Variants in SLCO3A1 observed in about 807,000 individuals in gnomAD.
The protein encoded by SLCO3A1 is solute carrier organic anion transporter family member 3A1.
Under a neutral mutation model 63.1 loss-of-function variants are expected in SLCO3A1, and 27 were observed. The ratio of observed to expected loss-of-function variants is 0.43; its 90% confidence interval spans 0.32 to 0.59. The LOEUF (loss-of-function observed/expected upper bound fraction) is 0.59, where lower values mean the gene tolerates loss of function less well. Ranked by LOEUF, SLCO3A1 falls within the 20% of genes least tolerant of loss-of-function variation. The pLI is 0.09. For missense variants in SLCO3A1, 773 were observed against 945.8 expected, an observed-to-expected ratio of 0.82 and a Z score of 2.40; for synonymous variants, 473 against 409.9, an observed-to-expected ratio of 1.15 and a Z score of -1.86.
intron 2 of SLCO3A1, among the ~76,000 whole-genome samples, chr15:91,944,249 G>A (rs1347122817): frequency 6.6e-6 from 1 of 151,940 alleles, no homozygotes; most frequent in Non-Finnish European, 1.5e-5. Context: ...CCTGTGCAAG[G>A]TCCCTCCTAA....
At chr15:91,949,463 C>T (rs1406613668) in intron 2 of SLCO3A1, among the ~76,000 whole-genome samples, 1 of 151,700 alleles carries the variant, frequency 6.6e-6, no homozygotes, top group Admixed American at 6.6e-5. Context: ...AACCCCATCC[C>T]TACTAAAAAT....
intron 4 of SLCO3A1, among the ~76,000 whole-genome samples, chr15:92,116,377 C>T (rs375659496): frequency 1.1e-4 from 16 of 152,316 alleles, no homozygotes; most frequent in African/African-American, 3.4e-4. Flanking sequence ...GCTCTCCTGC[C>T]GCTCTTTCCA....
intron 2 of SLCO3A1, among the ~76,000 whole-genome samples, chr15:92,020,226 C>T (rs372970282): frequency 1.1e-4 from 15 of 139,332 alleles, no homozygotes; most frequent in South Asian, 6.5e-4. Context: ...ACTATATATA[C>T]ACACACACAC....
chr15:91,914,449 TTCCC>T (rs1425094753), intron 1 of SLCO3A1, among the ~76,000 whole-genome samples: 1 of 152,162 alleles, frequency 6.6e-6, no homozygotes, highest in Non-Finnish European at 1.5e-5. Context: ...CCAGGTTTTC[TTCCC>T]TCCATGATCT....
chr15:92,126,026 C>G (rs777384223), intron 5 of SLCO3A1, 35 bp from the exon 6 acceptor site: 11 of 1,595,090 alleles, frequency 6.9e-6, no homozygotes, highest in Admixed American at 1.7e-5. Context: ...CCCACCTTCC[C>G]TGTTCACAGC....
Position 91,872,880 on chromosome 15 carries a change from G to A in SLCO3A1, c.180+18792G>A, listed in dbSNP as rs186035862. Among the ~76,000 whole-genome samples, 401 of 152,262 alleles carry A rather than the reference G, an allele frequency of 2.6e-3. No homozygotes were observed. The highest frequency in any genetic ancestry group is 5.0e-3 in the Non-Finnish European group (338 of 68,018). ...TTCCTCCCCTTTAGGGCATGGTGGCGTCTGTAAGTGACAAGAGTGCTCTGA... is the reference window on the plus strand; with the variant it reads ...TTCCTCCCCTTTAGGGCATGGTGGCATCTGTAAGTGACAAGAGTGCTCTGA... On this transcript the variant is annotated intron_variant, in intron 1 of 9. Coordinates refer to ENST00000318445, the MANE Select transcript of SLCO3A1 (RefSeq NM_013272.4). This position sits in a 1 kb window ranked among gnomAD's most constrained non-coding sequence, Gnocchi z 4.1.
downstream of SLCO3A1, among the ~76,000 whole-genome samples, chr15:92,167,372 A>G (rs2151608326): frequency 6.6e-6 from 1 of 152,364 alleles, no homozygotes; most frequent in South Asian, 2.1e-4. Context: ...TCCACTTCAA[A>G]TATCTAAGAG....
At chr15:91,963,408 T>C (rs55648428) in intron 2 of SLCO3A1, among the ~76,000 whole-genome samples, 7,844 of 22,890 alleles carry the variant, frequency 0.34, 413 homozygotes, top group Non-Finnish European at 0.39. Context: ...TCGGGGAGGG[T>C]GGGGGGGGGG....
intron 2 of SLCO3A1, among the ~76,000 whole-genome samples, chr15:91,959,574 A>T (rs1265328772): frequency 6.6e-6 from 1 of 151,896 alleles, no homozygotes; most frequent in African/African-American, 2.4e-5. Flanking sequence ...TCCTAAAAAT[A>T]CAAAAAAATT....
At chr15:91,952,913 A>G (rs117963990) in intron 2 of SLCO3A1, among the ~76,000 whole-genome samples, 1 of 152,258 alleles carries the variant, frequency 6.6e-6, no homozygotes, top group East Asian at 1.9e-4. Flanking sequence ...TAGTGAGGGG[A>G]CTTCAGCTGT....
At chr15:92,051,382 G>A (rs954983194) in intron 2 of SLCO3A1, among the ~76,000 whole-genome samples, 4 of 152,158 alleles carry the variant, frequency 2.6e-5, no homozygotes, top group Non-Finnish European at 5.9e-5. Flanking sequence ...TAGGAAGGCA[G>A]AGCAAGAGTG....
At chr15:91,871,082 T>C (rs1487049425) in intron 1 of SLCO3A1, among the ~76,000 whole-genome samples, 1 of 152,238 alleles carries the variant, frequency 6.6e-6, no homozygotes, top group Non-Finnish European at 1.5e-5. Context: ...CCATGCCTTG[T>C]GGTTTTTCAT....
intron 2 of SLCO3A1, among the ~76,000 whole-genome samples, chr15:91,943,114 C>T (rs146246969): frequency 1.6e-4 from 24 of 152,348 alleles, no homozygotes; most frequent in East Asian, 1.5e-3. Context: ...TAGCATAAAA[C>T]GTAGCATCTT....
intron 2 of SLCO3A1, among the ~76,000 whole-genome samples, chr15:91,930,265 C>T (rs2151389697): frequency 6.6e-6 from 1 of 152,292 alleles, no homozygotes; most frequent in East Asian, 1.9e-4. Flanking sequence ...CTCAGCACCT[C>T]TCAACTGGAC....
At chr15:91,996,133 C>T (rs893657694) in intron 2 of SLCO3A1, among the ~76,000 whole-genome samples, 6 of 152,064 alleles carry the variant, frequency 3.9e-5, no homozygotes, top group Non-Finnish European at 5.9e-5. Context: ...TTAAAACTAT[C>T]AGTATTCAGA....
rs1301829224 is a variant in SLCO3A1 at position 91,941,299 on chromosome 15, G to A, written c.646+24841G>A. The A allele has an allele frequency of 1.1e-5, 3 of 268,156 alleles. No individual in the cohort carries two copies. Among genetic ancestry groups the A allele is most frequent in the Non-Finnish European group, 2.2e-5 (3 of 133,614 alleles). 16.6% of individuals were successfully genotyped at this position (268,156 alleles called of 1,614,324 possible). A position where few individuals can be genotyped will look rare whatever the true frequency, so the allele number is the denominator to read the frequency against. On this transcript the variant is annotated intron_variant, in intron 2 of 9. Transcript: ENST00000318445. This position sits in a 1 kb window ranked among gnomAD's most constrained non-coding sequence, Gnocchi z 4.4. Reference sequence around the variant, plus strand: ...TTGGGGCAGGGCGGGGCTCGGCTGGGGGGTGGGAGAGAGACACTGAATCAG... The same window carrying A: ...TTGGGGCAGGGCGGGGCTCGGCTGGAGGGTGGGAGAGAGACACTGAATCAG...
chr15:92,030,342 C>T (rs1395086970), intron 2 of SLCO3A1, among the ~76,000 whole-genome samples: 1 of 152,198 alleles, frequency 6.6e-6, no homozygotes, highest in East Asian at 1.9e-4. Flanking sequence ...TGGGAATCCA[C>T]AGTGGACTCT....
intron 2 of SLCO3A1, among the ~76,000 whole-genome samples, chr15:91,977,816 T>C (rs1901177161): frequency 6.6e-6 from 1 of 152,192 alleles, no homozygotes; most frequent in Non-Finnish European, 1.5e-5. Context: ...AGAAGGTCTT[T>C]TGCAAGCAAA....
intron 2 of SLCO3A1, among the ~76,000 whole-genome samples, chr15:92,016,965 A>T (rs1351855817): frequency 7.1e-6 from 1 of 140,914 alleles, no homozygotes; most frequent in Non-Finnish European, 1.6e-5. Context: ...AGAAGTCACA[A>T]GGGAGACCAC....
Sources: gnomAD v4.1 joint callset for allele counts (sites outside exome capture counted in the v4.1 genomes callset) on GRCh38, gnomAD v4.1.1 for gene constraint, Gnocchi (gnomAD v3.1) non-coding constraint, MANE v1.5 for transcripts, NCBI Gene and HGNC (gene_info 2026-07-23, HGNC 2026-07-21) for gene names.